Variants in CDH13 observed in about 807,000 individuals in gnomAD.
CDH13 encodes the protein cadherin 13.
A neutral mutation model predicts 63.8 loss-of-function variants in CDH13; 24 were observed. The ratio of observed to expected loss-of-function variants is 0.38; its 90% CI spans 0.27 to 0.53. The LOEUF is 0.53. CDH13 is among the 20% of genes least tolerant of loss of function. CDH13 has a pLI of 0.85. For missense variants in CDH13, 1,049 were observed against 903.1 expected (o/e 1.16, Z -2.07); for synonymous variants, 503 against 355.3 (o/e 1.42, Z -4.67).
intron 5 of CDH13, among the ~76,000 whole-genome samples, chr16:83,220,358 T>A (rs752207020): frequency 1.6e-4 from 24 of 152,198 alleles, no homozygotes; most frequent in Non-Finnish European, 3.5e-4. Flanking sequence ...AAGTGCCTGT[T>A]TAAGAATAAG....
chr16:83,676,541 G>C (rs960122325), intron 9 of CDH13, among the ~76,000 whole-genome samples: 1 of 152,222 alleles, frequency 6.6e-6, no homozygotes, highest in Non-Finnish European at 1.5e-5. Flanking sequence ...GGGATGGACA[G>C]AGATCCATTA....
At chr16:82,706,440 G>C (rs965691337) in intron 1 of CDH13, among the ~76,000 whole-genome samples, 1 of 152,196 alleles carries the variant, frequency 6.6e-6, no homozygotes, top group Non-Finnish European at 1.5e-5. Context: ...TGCCAGGGCA[G>C]AGTAGAAGGC....
At chr16:83,690,429 C>G (rs530868700) in intron 10 of CDH13, among the ~76,000 whole-genome samples, 1 of 151,974 alleles carries the variant, frequency 6.6e-6, no homozygotes, top group African/African-American at 2.4e-5. Flanking sequence ...GTGGAGAGGT[C>G]CAGGTAGAGG....
chr16:83,009,827 C>A (rs947350696), intron 2 of CDH13, among the ~76,000 whole-genome samples: 1 of 152,126 alleles, frequency 6.6e-6, no homozygotes, highest in South Asian at 2.1e-4. Flanking sequence ...GCTCTATCCC[C>A]AAAGATTCTG....
At position 83,473,610 on chromosome 16, in the gene CDH13, A is replaced by T. The variant is rs78170748; in HGVS notation, c.782-12867A>T. Among the ~76,000 whole-genome samples, 797 of 152,264 alleles carry T rather than the reference A, an allele frequency of 5.2e-3. 6 individuals carry two copies. Among genetic ancestry groups the T allele is most frequent in the African/African-American group, 0.018 (749 of 41,536 alleles). ...TCCTATATGTCCCTCGGGCTTCTGG[A>T]CCTAGCCTAAAGATGCCCCAGACAA... On this transcript the variant is annotated intron_variant, in intron 6 of 13. Transcript: ENST00000567109.
chr16:82,991,944 T>C (rs1911708069), intron 2 of CDH13, among the ~76,000 whole-genome samples: 1 of 152,068 alleles, frequency 6.6e-6, no homozygotes, highest in African/African-American at 2.4e-5. Flanking sequence ...AAAAAGAAGG[T>C]AGTGAATGAG....
intron 1 of CDH13, among the ~76,000 whole-genome samples, chr16:82,840,649 C>A (rs2038968981): frequency 7.2e-6 from 1 of 139,686 alleles, no homozygotes; most frequent in African/African-American, 2.7e-5. Context: ...CACCCCACTG[C>A]ACTGCAGCCT....
chr16:82,851,434 CA>C (rs146083704), intron 1 of CDH13, among the ~76,000 whole-genome samples: 2 of 79,150 alleles, frequency 2.5e-5, no homozygotes, highest in African/African-American at 8.8e-5. Flanking sequence ...GATTTCGTCT[CA>C]AAAAAAAAAT....
At chr16:83,542,010 G>T (rs769348511) in intron 7 of CDH13, among the ~76,000 whole-genome samples, 27 of 152,358 alleles carry the variant, frequency 1.8e-4, no homozygotes, top group African/African-American at 4.6e-4. Flanking sequence ...GTATTAATGT[G>T]TTAGCGTTGT....
chr16:83,592,749 C>T (rs892780235), intron 7 of CDH13, among the ~76,000 whole-genome samples: 1 of 152,144 alleles, frequency 6.6e-6, no homozygotes, highest in African/African-American at 2.4e-5. Context: ...TCTCCTTGCC[C>T]ACCAGCCCCC....
chr16:83,004,675 C>T (rs960656688), intron 2 of CDH13, among the ~76,000 whole-genome samples: 3 of 152,136 alleles, frequency 2.0e-5, no homozygotes, highest in African/African-American at 4.8e-5. Context: ...TTTTTTGTCT[C>T]TTTAGTAGAG....
At chr16:82,710,637 TATA>T (rs2031865755) in intron 1 of CDH13, among the ~76,000 whole-genome samples, 2 of 143,732 alleles carry the variant, frequency 1.4e-5, no homozygotes, top group Non-Finnish European at 3.0e-5. Context: ...TATATTTACA[TATA>T]ATATAATCAT....
At chr16:83,093,078 A>G (rs1400420265) in intron 3 of CDH13, among the ~76,000 whole-genome samples, 1 of 152,156 alleles carries the variant, frequency 6.6e-6, no homozygotes, top group Non-Finnish European at 1.5e-5. Flanking sequence ...TCATTTGATT[A>G]GCAATTTCTA....
chr16:83,447,521 A>G (rs959288281), intron 6 of CDH13, among the ~76,000 whole-genome samples: 1 of 152,120 alleles, frequency 6.6e-6, no homozygotes, highest in African/African-American at 2.4e-5. Flanking sequence ...CCTCACCCAA[A>G]GAGCAGATAA....
At chr16:83,113,620 G>T (rs552413452) in intron 3 of CDH13, among the ~76,000 whole-genome samples, 1 of 152,182 alleles carries the variant, frequency 6.6e-6, no homozygotes, top group Non-Finnish European at 1.5e-5. Context: ...CTGAGACAGG[G>T]CTCTAGGGGA....
At chr16:83,525,729 A>T (rs991546655) in intron 7 of CDH13, among the ~76,000 whole-genome samples, 2 of 152,174 alleles carry the variant, frequency 1.3e-5, no homozygotes, top group Non-Finnish European at 2.9e-5. Context: ...CGGGGAGATG[A>T]TTCTGAGTTA....
At chr16:82,858,037 G>A (rs1373026539) in intron 1 of CDH13, among the ~76,000 whole-genome samples, 1 of 152,134 alleles carries the variant, frequency 6.6e-6, no homozygotes, top group East Asian at 1.9e-4. Context: ...TTTAGCTTAG[G>A]CATCATGGAA....
intron 2 of CDH13, among the ~76,000 whole-genome samples, chr16:83,021,649 C>G (rs1915359728): frequency 6.6e-6 from 1 of 152,164 alleles, no homozygotes; most frequent in Non-Finnish European, 1.5e-5. Flanking sequence ...AATTGAAACT[C>G]TATTTTATCA....
intron 2 of CDH13, chr16:82,989,986 C>T (rs1367606473): frequency 6.6e-6 from 1 of 152,076 alleles, no homozygotes; most frequent in Non-Finnish European, 1.5e-5. Flanking sequence ...TTTCTTGTCT[C>T]CAAGGTTTTT....
Sources: allele counts gnomAD v4.1 joint callset (sites outside exome capture counted in the v4.1 genomes callset), GRCh38; gene constraint gnomAD v4.1.1; transcripts MANE v1.5; gene names NCBI Gene and HGNC (gene_info 2026-07-23, HGNC 2026-07-21).